Variants in LINGO2 observed in about 807,000 individuals in gnomAD.
LINGO2 encodes the protein leucine-rich repeat and immunoglobulin-like domain-containing nogo receptor-interacting protein 2.
LINGO2 carries 14 observed loss-of-function variants against 30.6 expected under a neutral mutation model. The ratio of observed to expected loss-of-function variants is 0.46; its 90% CI spans 0.30 to 0.72. The LOEUF (loss-of-function observed/expected upper bound fraction) is 0.72, where lower values mean the gene tolerates loss of function less well. LINGO2 is among the 30% of genes least tolerant of loss of function. The pLI is 0.07. For missense variants in LINGO2, 729 were observed against 751.7 expected (o/e 0.97, Z 0.35); for synonymous variants, 317 against 288.5 (o/e 1.10, Z -1.00).
the LINGO2 span, among the ~76,000 whole-genome samples, chr9:29,185,731 C>G: frequency 1.3e-5 from 2 of 152,296 alleles, no homozygotes; most frequent in Admixed American, 1.3e-4. Context: ...TCAGTCTTCT[C>G]TCTCCATGAC....
chr9:29,113,776 C>G, the LINGO2 span, among the ~76,000 whole-genome samples: 1 of 152,106 alleles, frequency 6.6e-6, no homozygotes, highest in Non-Finnish European at 1.5e-5. Context: ...AAAGCATAAT[C>G]AAAGCAATAG....
chr9:28,502,934 C>G (rs1347762693), intron 1 of LINGO2, among the ~76,000 whole-genome samples: 1 of 152,054 alleles, frequency 6.6e-6, no homozygotes, highest in African/African-American at 2.4e-5. Flanking sequence ...TTAATAGTTC[C>G]TGTGCAGATA....
intron 3 of LINGO2, among the ~76,000 whole-genome samples, chr9:28,333,875 C>T (rs13296009): frequency 4.6e-5 from 7 of 152,002 alleles, no homozygotes; most frequent in Admixed American, 3.9e-4. Context: ...ATTTGAAAAG[C>T]GCAAAGGAAA....
chr9:29,050,732 C>T, the LINGO2 span, among the ~76,000 whole-genome samples: 1 of 152,100 alleles, frequency 6.6e-6, no homozygotes, highest in Non-Finnish European at 1.5e-5. Context: ...TCCAGGCTGT[C>T]AGCATTGCTG....
chr9:28,771,452 G>GGT, the LINGO2 span, among the ~76,000 whole-genome samples: 46 of 120,354 alleles, frequency 3.8e-4, no homozygotes, highest in South Asian at 1.9e-3. Context: ...TTTCCTATTT[G>GGT]GTGTGTGTGT....
At chr9:28,759,324 G>A in the LINGO2 span, among the ~76,000 whole-genome samples, 1 of 152,026 alleles carries the variant, frequency 6.6e-6, no homozygotes, top group East Asian at 1.9e-4. Context: ...AAGTAAAGAA[G>A]ATTTGAAAAT....
chr9:28,327,341 C>T (rs529944680), intron 3 of LINGO2, among the ~76,000 whole-genome samples: 10 of 152,236 alleles, frequency 6.6e-5, no homozygotes, highest in East Asian at 3.9e-4. Flanking sequence ...AGTATTAAGT[C>T]GGCAGGAAGA....
chr9:29,137,573 G>T, the LINGO2 span, among the ~76,000 whole-genome samples: 1 of 152,090 alleles, frequency 6.6e-6, no homozygotes, highest in Admixed American at 6.6e-5. Context: ...CAAGTGTCAG[G>T]TATCTTTTAC....
intron 5 of LINGO2, among the ~76,000 whole-genome samples, chr9:27,957,184 G>A (rs1355498027): frequency 6.6e-6 from 1 of 152,044 alleles, no homozygotes; most frequent in East Asian, 1.9e-4. Flanking sequence ...TCAGTTGACC[G>A]TATATGCACA....
intron 1 of LINGO2, among the ~76,000 whole-genome samples, chr9:28,587,828 C>T (rs956447632): frequency 2.6e-5 from 4 of 151,920 alleles, no homozygotes; most frequent in Non-Finnish European, 4.4e-5. Context: ...TTCCCCCTCC[C>T]TAACCCTAAC....
chr9:28,500,676 A>C (rs1819847399), intron 1 of LINGO2, among the ~76,000 whole-genome samples: 1 of 152,196 alleles, frequency 6.6e-6, no homozygotes, highest in Non-Finnish European at 1.5e-5. Flanking sequence ...CATCTGATAA[A>C]ATTTCCAGAG....
At chr9:28,708,225 G>T in the LINGO2 span, among the ~76,000 whole-genome samples, 1 of 152,086 alleles carries the variant, frequency 6.6e-6, no homozygotes, top group African/African-American at 2.4e-5. Flanking sequence ...CTAGAAATAT[G>T]AAAAGATATA....
At chr9:29,077,091 A>C in the LINGO2 span, among the ~76,000 whole-genome samples, 6 of 152,092 alleles carry the variant, frequency 3.9e-5, no homozygotes, top group Non-Finnish European at 8.8e-5. Flanking sequence ...AAACAAACCA[A>C]GGAAAGTATT....
chr9:28,868,285 G>A, the LINGO2 span, among the ~76,000 whole-genome samples: 1 of 152,036 alleles, frequency 6.6e-6, no homozygotes, highest in Non-Finnish European at 1.5e-5. Flanking sequence ...TTCAGTCATT[G>A]AAGGGTTTAG....
chr9:28,849,902 C>A, the LINGO2 span, among the ~76,000 whole-genome samples: 12 of 151,984 alleles, frequency 7.9e-5, no homozygotes, highest in Admixed American at 7.9e-4. Flanking sequence ...TTCTAACTTG[C>A]TGTTCTATTT....
At chr9:29,042,246 G>C in the LINGO2 span, among the ~76,000 whole-genome samples, 1 of 151,828 alleles carries the variant, frequency 6.6e-6, no homozygotes. Context: ...ATACCACCCT[G>C]AATGCACCCA....
At chr9:28,704,467 C>G in the LINGO2 span, among the ~76,000 whole-genome samples, 1 of 151,628 alleles carries the variant, frequency 6.6e-6, no homozygotes, top group African/African-American at 2.4e-5. Context: ...GGCTTGGTGT[C>G]TGACATTAAT....
At chr9:28,630,570 G>C (rs2135873091) in intron 1 of LINGO2, among the ~76,000 whole-genome samples, 1 of 152,160 alleles carries the variant, frequency 6.6e-6, no homozygotes, top group Admixed American at 6.6e-5. Flanking sequence ...AACAGAATTA[G>C]TATCTATCAG....
chr9:29,028,783 T>C, the LINGO2 span, among the ~76,000 whole-genome samples: 2 of 152,224 alleles, frequency 1.3e-5, no homozygotes, highest in East Asian at 3.9e-4. Flanking sequence ...ATTCAATAGG[T>C]AGACATGGGC....
Sources: allele counts gnomAD v4.1 joint callset (sites outside exome capture counted in the v4.1 genomes callset), GRCh38; gene constraint gnomAD v4.1.1; transcripts MANE v1.5; gene names NCBI Gene and HGNC (gene_info 2026-07-23, HGNC 2026-07-21).